EPHA6: variants seen among roughly 807,000 people sequenced by gnomAD.
EPHA6 encodes the protein EPH receptor A6, also known as ephrin type-A receptor 6.
Under a neutral mutation model 112.0 loss-of-function variants are expected in EPHA6, and 50 were observed. The observed-to-expected ratio is 0.45, with a 90% CI of 0.36 to 0.56. EPHA6 has a LOEUF of 0.56. Ranked by LOEUF, EPHA6 falls within the 20% of genes least tolerant of loss-of-function variation. The pLI is 0.00. For missense variants in EPHA6, 1,280 were observed against 1,417.4 expected (o/e 0.90, Z 1.56); for synonymous variants, 529 against 490.7 (o/e 1.08, Z -1.03).
intron 2 of EPHA6, among the ~76,000 whole-genome samples, chr3:96,882,052 C>T (rs1034198035): frequency 6.6e-6 from 1 of 152,116 alleles, no homozygotes; most frequent in Admixed American, 6.5e-5. Flanking sequence ...TACAGCTTTT[C>T]CAGGTGTATG....
intron 6 of EPHA6, among the ~76,000 whole-genome samples, chr3:97,418,274 C>G (rs3886995): frequency 0.12 from 18,731 of 151,696 alleles, 3,700 homozygotes; most frequent in African/African-American, 0.41. Context: ...TCTAACAATA[C>G]TGGACTTCAT....
At chr3:97,582,887 G>A (rs1364083658) in intron 11 of EPHA6, among the ~76,000 whole-genome samples, 5 of 151,956 alleles carry the variant, frequency 3.3e-5, no homozygotes, top group African/African-American at 4.8e-5. Context: ...GTATCTGTGA[G>A]TAAAACTAAA....
At chr3:96,886,978 C>T (rs1199097023) in intron 2 of EPHA6, among the ~76,000 whole-genome samples, 1 of 151,988 alleles carries the variant, frequency 6.6e-6, no homozygotes, top group Non-Finnish European at 1.5e-5. Context: ...ATATTTCTAC[C>T]TTAACTTCTT....
chr3:97,383,663 G>A (rs1446123549), intron 5 of EPHA6, among the ~76,000 whole-genome samples: 2 of 152,032 alleles, frequency 1.3e-5, no homozygotes, highest in African/African-American at 4.8e-5. Context: ...TAGAGGATTA[G>A]TCCTGTAAAA....
chr3:97,140,636 G>A (rs2108351149), intron 3 of EPHA6, among the ~76,000 whole-genome samples: 1 of 152,192 alleles, frequency 6.6e-6, no homozygotes. Flanking sequence ...AATGCTAAGG[G>A]AATTTGTCAC....
At position 97,513,280 on chromosome 3, in the gene EPHA6, A is replaced by G. The variant is rs1020941720; in HGVS notation, c.2201-19078A>G. On this transcript the variant is annotated intron_variant, in intron 10 of 17. Coordinates refer to ENST00000389672, the MANE Select transcript of EPHA6 (RefSeq NM_001080448.3). ...GAAAAATAGCACTACCATATGATCC[A>G]TCAATCCCACCACTGGGTATATATC... Among the ~76,000 whole-genome samples, 8 of 152,178 alleles carry G rather than the reference A, an allele frequency of 5.3e-5. 1 individual carries two copies. The highest frequency in any genetic ancestry group is 1.4e-4 in the African/African-American group (6 of 41,446).
chr3:96,897,263 C>T (rs72933479), intron 2 of EPHA6, among the ~76,000 whole-genome samples: 2,051 of 151,678 alleles, frequency 0.014, 49 homozygotes, highest in African/African-American at 0.046. Context: ...CAAGGCTGTT[C>T]ATGCTATATA....
chr3:97,262,442 A>G lies in EPHA6; in HGVS notation c.1606+18155A>G, dbSNP rs1269123683. 6.6e-5 allele frequency among the ~76,000 whole-genome samples: 10 copies of G among 152,324 alleles called. No individual in the cohort carries two copies. In the East Asian group the frequency reaches 7.7e-4, roughly 12 times the overall value. On this transcript the variant is annotated intron_variant, in intron 5 of 17. Coordinates refer to ENST00000389672, the MANE Select transcript of EPHA6 (RefSeq NM_001080448.3). ...AAGGGAAAGTTAAGTTAAAAGATAT[A>G]TTTAATCAAGGAAGACTTCAAATTT... is the stretch of plus-strand genomic sequence containing the variant.
intron 3 of EPHA6, among the ~76,000 whole-genome samples, chr3:97,041,218 G>T (rs1416049124): frequency 2.0e-5 from 3 of 152,068 alleles, no homozygotes; most frequent in African/African-American, 7.2e-5. Flanking sequence ...CAGCATTACA[G>T]ATACACCTTT....
At chr3:97,063,467 T>G (rs959847269) in intron 3 of EPHA6, among the ~76,000 whole-genome samples, 9 of 152,090 alleles carry the variant, frequency 5.9e-5, no homozygotes, top group Admixed American at 3.9e-4. Flanking sequence ...AACCAAACAC[T>G]GCATGTTCTC....
intron 5 of EPHA6, among the ~76,000 whole-genome samples, chr3:97,343,209 C>G (rs960865146): frequency 1.3e-5 from 2 of 152,078 alleles, no homozygotes; most frequent in African/African-American, 4.8e-5. Context: ...GATGAAGTCT[C>G]AAACAGAAAT....
chr3:97,502,167 CTTTTTTTTT>C (rs773321621), intron 10 of EPHA6, among the ~76,000 whole-genome samples: 1 of 124,328 alleles, frequency 8.0e-6, no homozygotes, highest in African/African-American at 3.3e-5. Flanking sequence ...TAACTACCTG[CTTTTTTTTT>C]TTTTTTTTTT....
intron 2 of EPHA6, 59 bp from the exon 3 acceptor site, chr3:96,987,271 C>A (rs1407967265): frequency 2.8e-6 from 4 of 1,414,530 alleles, no homozygotes; most frequent in East Asian, 4.6e-5. Context: ...TGTAAGTAAT[C>A]ATTTCTGTTT....
chr3:97,662,366 A>G (rs1343835664), intron 14 of EPHA6, among the ~76,000 whole-genome samples: 5 of 152,204 alleles, frequency 3.3e-5, no homozygotes, highest in African/African-American at 1.2e-4. Flanking sequence ...CTGGAAGATT[A>G]AAAAGGGCTT....
chr3:97,647,411 CA>C (rs1560228699), intron 14 of EPHA6, among the ~76,000 whole-genome samples: 1 of 151,990 alleles, frequency 6.6e-6, no homozygotes, highest in East Asian at 1.9e-4. Flanking sequence ...AACTAAAATA[CA>C]TCAAGCTTTT....
intron 2 of EPHA6, among the ~76,000 whole-genome samples, chr3:96,908,513 A>G (rs1211611891): frequency 6.6e-6 from 1 of 151,784 alleles, no homozygotes; most frequent in Non-Finnish European, 1.5e-5. Flanking sequence ...ATAGCTTATT[A>G]TTAGTTCTCG....
chr3:97,033,722 T>A lies in EPHA6; in HGVS notation c.1114+45729T>A, dbSNP rs113028330. On this transcript the variant is annotated intron_variant, in intron 3 of 17. Coordinates refer to ENST00000389672, the MANE Select transcript of EPHA6 (RefSeq NM_001080448.3). ...CAAAAGTGAGAGACAAATAATAAATTAATGTTCATTCTATGGAAATGAAAT... is the reference window on the plus strand; with the variant it reads ...CAAAAGTGAGAGACAAATAATAAATAAATGTTCATTCTATGGAAATGAAAT... Among the ~76,000 whole-genome samples, 69 of 152,104 alleles carry A rather than the reference T, an allele frequency of 4.5e-4. 1 individual carries two copies. The highest frequency in any genetic ancestry group is 1.6e-3 in the African/African-American group (68 of 41,552).
At chr3:97,538,747 A>G (rs1180987624) in intron 11 of EPHA6, among the ~76,000 whole-genome samples, 1 of 152,202 alleles carries the variant, frequency 6.6e-6, no homozygotes, top group Non-Finnish European at 1.5e-5. Context: ...AGAAGCGTCC[A>G]TTGGATAGGG....
intron 16 of EPHA6, among the ~76,000 whole-genome samples, chr3:97,745,773 T>A (rs1365817358): frequency 6.6e-6 from 1 of 151,882 alleles, no homozygotes; most frequent in Non-Finnish European, 1.5e-5. Context: ...CATATACAAC[T>A]TGTGCTCCTA....
Sources: gnomAD v4.1 joint callset for allele counts (sites outside exome capture counted in the v4.1 genomes callset) on GRCh38, gnomAD v4.1.1 for gene constraint, MANE v1.5 for transcripts, NCBI Gene and HGNC (gene_info 2026-07-23, HGNC 2026-07-21) for gene names.